WDR25: variants seen among roughly 807,000 people sequenced by gnomAD.
WDR25 encodes WD repeat domain 25, also known as WD repeat-containing protein 25.
In WDR25, 35 loss-of-function variants were observed where a neutral mutation model predicts 47.7. The ratio of observed to expected loss-of-function variants is 0.73; its 90% confidence interval spans 0.56 to 0.97. The LOEUF (loss-of-function observed/expected upper bound fraction) is 0.97. WDR25 is among the 50% of genes least tolerant of loss of function. The pLI is 0.00. For missense variants in WDR25, 634 were observed against 704.7 expected (o/e 0.90, Z 1.14); for synonymous variants, 248 against 278.9 (o/e 0.89, Z 1.10).
chr14:100,409,421 C>G (rs1566895688), intron 2 of WDR25, among the ~76,000 whole-genome samples: 1 of 149,494 alleles, frequency 6.7e-6, no homozygotes, highest in African/African-American at 2.4e-5. Context: ...GCAGAGGACC[C>G]CCCCCCACCC....
rs546873934 is a variant in WDR25, at chr14:100,468,949, T to C, written c.970+781T>C. Among the ~76,000 whole-genome samples the C allele has an allele frequency of 6.6e-6, 1 of 152,224 alleles. No homozygotes were observed. Among genetic ancestry groups the C allele is most frequent in the Non-Finnish European group, 1.5e-5 (1 of 68,024 alleles). On this transcript the variant is annotated intron_variant, in intron 3 of 6. Transcript: ENST00000402312. This position sits in a 1 kb window ranked among gnomAD's most constrained non-coding sequence, Gnocchi z 4.5. ...TCTATGTTCTCTTTCTTTTCTTTCT[T>C]TCCTTTTTAAAAATGTTTTATCCCC...
At chr14:100,408,978 G>C (rs780291527) in intron 2 of WDR25, among the ~76,000 whole-genome samples, 2 of 152,158 alleles carry the variant, frequency 1.3e-5, no homozygotes, top group Non-Finnish European at 2.9e-5. Context: ...GATGTGGAGC[G>C]CTAGACTTAT....
intron 2 of WDR25, among the ~76,000 whole-genome samples, chr14:100,460,112 AT>A (rs35102087): frequency 0.25 from 31,916 of 128,668 alleles, 4,395 homozygotes; most frequent in African/African-American, 0.39. Context: ...TAGATACAAA[AT>A]TTTTTTTTTT....
At chr14:100,446,507 T>G (rs541151283) in intron 2 of WDR25, among the ~76,000 whole-genome samples, 1 of 137,766 alleles carries the variant, frequency 7.3e-6, no homozygotes, top group Admixed American at 8.1e-5. Context: ...GCTGAGATCA[T>G]GCCACTGCAC....
intron 2 of WDR25, among the ~76,000 whole-genome samples, chr14:100,456,910 A>T (rs1225022934): frequency 6.6e-6 from 1 of 152,232 alleles, no homozygotes; most frequent in Non-Finnish European, 1.5e-5. Context: ...CACAGGAAAC[A>T]TGAAGAAAAA....
At chr14:100,518,325 A>T (rs1901576618) in intron 4 of WDR25, among the ~76,000 whole-genome samples, 1 of 151,906 alleles carries the variant, frequency 6.6e-6, no homozygotes, top group Non-Finnish European at 1.5e-5. Context: ...ATAGTTTCTG[A>T]TGATACATTT....
chr14:100,437,363 C>G (rs182809581), intron 2 of WDR25, among the ~76,000 whole-genome samples: 5 of 152,302 alleles, frequency 3.3e-5, no homozygotes, highest in African/African-American at 1.2e-4. Context: ...CCAGTCTGAG[C>G]CCGCTGAGTG....
intron 2 of WDR25, among the ~76,000 whole-genome samples, chr14:100,433,052 G>A (rs1366026804): frequency 6.6e-6 from 1 of 152,216 alleles, no homozygotes; most frequent in Non-Finnish European, 1.5e-5. Context: ...CCACTGCCGT[G>A]CATGTGGATC....
rs1239514236 is a variant in WDR25 at position 100,500,359 on chromosome 14, C to T, written c.1101+16235C>T. 6.6e-6 allele frequency among the ~76,000 whole-genome samples: 1 copy of T among 152,150 alleles called. No individual in the cohort carries two copies. The highest frequency in any genetic ancestry group is 1.5e-5 in the Non-Finnish European group (1 of 67,990). ...GCAGGCCAGCTCGTCTCTTCTGCTC[C>T]TTCTTCCAGGGACCCGAGGAGGGTG... On this transcript the variant is annotated intron_variant, in intron 4 of 6. Transcript: ENST00000402312. This position sits in a 1 kb window ranked among gnomAD's most constrained non-coding sequence, Gnocchi z 4.7.
At chr14:100,455,803 T>A (rs186333303) in intron 2 of WDR25, among the ~76,000 whole-genome samples, 1 of 152,330 alleles carries the variant, frequency 6.6e-6, no homozygotes, top group Non-Finnish European at 1.5e-5. Flanking sequence ...TTATAGTGAA[T>A]GAGATCAGTT....
At chr14:100,414,239 G>A (rs1264116969) in intron 2 of WDR25, among the ~76,000 whole-genome samples, 2 of 150,854 alleles carry the variant, frequency 1.3e-5, no homozygotes, top group African/African-American at 2.4e-5. Flanking sequence ...CTCGTGATCC[G>A]CCTGCCTTGG....
Position 100,502,044 on chromosome 14 carries a change from G to A in WDR25, c.1101+17920G>A, listed in dbSNP as rs74081516. 0.034 allele frequency among the ~76,000 whole-genome samples: 5,242 copies of A among 152,208 alleles called. 296 individuals are homozygous for A. The highest frequency in any genetic ancestry group is 0.12 in the African/African-American group (4,898 of 41,518). On this transcript the variant is annotated intron_variant, in intron 4 of 6. Coordinates refer to ENST00000402312, the MANE Select transcript of WDR25 (RefSeq NM_001161476.3). The surrounding 1 kb of genome is among the most constrained non-coding windows in gnomAD (Gnocchi z 4.5). ...TGGATCCTATTCCCCATCCCTCCCC[G>A]GGTCCCGTGACCTGTCCCCAGACAG...
intron 2 of WDR25, among the ~76,000 whole-genome samples, chr14:100,413,186 A>G (rs1897759780): frequency 6.6e-6 from 1 of 152,212 alleles, no homozygotes; most frequent in Non-Finnish European, 1.5e-5. Context: ...TAACTTAACA[A>G]TAAAATGCAG....
chr14:100,467,987 T>C, intron 2 of WDR25, 34 bp from the exon 3 acceptor site: 1 of 1,611,086 alleles, frequency 6.2e-7, no homozygotes, highest in Non-Finnish European at 8.5e-7. Context: ...AGGCCCTTGT[T>C]GTGACACCTG....
intron 2 of WDR25, among the ~76,000 whole-genome samples, chr14:100,409,130 C>T (rs1216275611): frequency 2.0e-5 from 3 of 152,168 alleles, no homozygotes; most frequent in Non-Finnish European, 4.4e-5. Context: ...TCCCAGGTTC[C>T]TCCCTCCAAA....
intron 2 of WDR25, among the ~76,000 whole-genome samples, chr14:100,442,238 C>T (rs930539724): frequency 6.6e-6 from 1 of 152,012 alleles, no homozygotes; most frequent in African/African-American, 2.4e-5. Context: ...GTGGCTAGCC[C>T]TCTGCTGAGG....
chr14:100,381,890 T>C (rs894755813), intron 2 of WDR25, 144 bp downstream of exon 2: 2 of 709,186 alleles, frequency 2.8e-6, no homozygotes, highest in Non-Finnish European at 4.6e-6. Flanking sequence ...CCAGAAAGGG[T>C]CATCTGTGGT....
chr14:100,407,851 C>T lies in WDR25; in HGVS notation c.822+26105C>T, dbSNP rs977116344. On this transcript the variant is annotated intron_variant, in intron 2 of 6. Coordinates refer to ENST00000402312, the MANE Select transcript of WDR25 (RefSeq NM_001161476.3). The surrounding 1 kb of genome is among the most constrained non-coding windows in gnomAD (Gnocchi z 4.1). The stretch of plus-strand genomic sequence containing the variant: ...AGCCTCTCACGTGTATTGCCTCTCA[C>T]GTGTATTGTCTGTGAGTGTGCTGGG... Among the ~76,000 whole-genome samples the T allele has an allele frequency of 1.2e-4, 18 of 152,132 alleles. No individual in the cohort carries two copies. The highest frequency in any genetic ancestry group is 7.3e-5 in the Non-Finnish European group (5 of 68,038).
chr14:100,478,728 G>T (rs1048921922), intron 3 of WDR25, among the ~76,000 whole-genome samples: 1 of 152,066 alleles, frequency 6.6e-6, no homozygotes, highest in Non-Finnish European at 1.5e-5. Flanking sequence ...CAGATTTTTT[G>T]TTTGTTTGTT....
Sources: gnomAD v4.1 joint callset for allele counts (sites outside exome capture counted in the v4.1 genomes callset) on GRCh38, gnomAD v4.1.1 for gene constraint, Gnocchi (gnomAD v3.1) non-coding constraint, MANE v1.5 for transcripts, NCBI Gene and HGNC (gene_info 2026-07-23, HGNC 2026-07-21) for gene names.